The following ANXA11 variants were observed in gnomAD, a reference collection of about 807,000 sequenced individuals.
ANXA11 encodes annexin A11.
A neutral mutation model predicts 64.7 loss-of-function variants in ANXA11; 57 were observed. That is an observed-to-expected ratio of 0.88 (90% confidence interval 0.71 to 1.10). ANXA11 has a LOEUF of 1.10. Among genes scored for constraint, ANXA11 ranks in the 50% least tolerant of loss-of-function variants. The probability of loss-of-function intolerance (pLI) is 0.00; values close to 1 mark genes in which losing one functional copy is unlikely to be tolerated. For missense variants in ANXA11, 675 were observed against 670.7 expected (o/e 1.01, Z -0.07); for synonymous variants, 260 against 265.2 (o/e 0.98, Z 0.19).
chr10:80,163,287 A>C (rs1391882427), intron 11 of ANXA11, 62 bp downstream of exon 11: 3 of 1,595,468 alleles, frequency 1.9e-6, no homozygotes, highest in Admixed American at 3.4e-5. Context: ...CTCTCTCAGG[A>C]AGCAAGAAAG....
intron 1 of ANXA11, among the ~76,000 whole-genome samples, chr10:80,188,378 C>T (rs558654181): frequency 6.8e-6 from 1 of 148,142 alleles, no homozygotes; most frequent in South Asian, 2.1e-4. Flanking sequence ...GCTGTGTGAC[C>T]CTGGATATAT....
intron 13 of ANXA11, among the ~76,000 whole-genome samples, chr10:80,158,285 G>A (rs2573346): frequency 0.37 from 55,920 of 152,040 alleles, 11,480 homozygotes; most frequent in East Asian, 0.58. Context: ...AGAGTCAGAG[G>A]GGCGGGGGTC....
chr10:80,171,801 T>C, intron 3 of ANXA11: 3 of 985,532 alleles, frequency 3.0e-6, no homozygotes, highest in Non-Finnish European at 3.6e-6. Context: ...TGCTCAGCTG[T>C]GCTAGCAAAG....
chr10:80,171,850 T>C (rs1564613260), intron 3 of ANXA11: 8 of 985,354 alleles, frequency 8.1e-6, no homozygotes, highest in Middle Eastern at 5.2e-4. Flanking sequence ...ATTTCTACTA[T>C]AGAGAGAGAA....
Position 80,155,780 on chromosome 10 carries a change from C to G in ANXA11, c.*73G>C. 1 of 1,405,750 alleles carries G rather than the reference C, an allele frequency of 7.1e-7. No homozygotes were observed. The highest frequency in any genetic ancestry group is 1.0e-6 in the Non-Finnish European group (1 of 991,520). 87.1% of individuals were successfully genotyped at this position (1,405,750 alleles called of 1,614,324 possible). On this transcript the variant is annotated 3_prime_UTR_variant, in exon 16 of 16. Transcript: ENST00000422982. ...GGGCTATTTGTGGATTTGTTAGAAA[C>G]AGACATTCTTTTGGCCTTTTCCTGG...
intron 1 of ANXA11, among the ~76,000 whole-genome samples, chr10:80,191,829 A>C (rs1846789662): frequency 6.6e-6 from 1 of 152,196 alleles, no homozygotes; most frequent in South Asian, 2.1e-4. Context: ...TCACAACCGG[A>C]TGCCAGAGGC....
intron 8 of ANXA11, among the ~76,000 whole-genome samples, chr10:80,164,787 T>C (rs1413065092): frequency 6.6e-6 from 1 of 152,066 alleles, no homozygotes; most frequent in Non-Finnish European, 1.5e-5. Context: ...AAGATGGGAG[T>C]GATACTAGGA....
At chr10:80,158,141 A>C (rs1845352803) in intron 13 of ANXA11, 116 bp from the exon 14 acceptor site, 1 of 894,734 alleles carries the variant, frequency 1.1e-6, no homozygotes, top group Non-Finnish European at 1.8e-6. Flanking sequence ...CACTGCATCC[A>C]TCTTTTCTCC....
At chr10:80,180,892 C>T (rs1262499074) in intron 1 of ANXA11, 1 of 152,134 alleles carries the variant, frequency 6.6e-6, no homozygotes, top group Non-Finnish European at 1.5e-5. Flanking sequence ...GAAGTGGGCT[C>T]CTTACCACCA....
intron 4 of ANXA11, 67 bp from the exon 5 acceptor site, chr10:80,169,425 T>C: frequency 6.4e-7 from 1 of 1,570,614 alleles, no homozygotes; most frequent in Non-Finnish European, 8.6e-7. Flanking sequence ...CCACCCTTTT[T>C]CATACCTAAG....
chr10:80,172,951 GCCA>G (rs1471124442), intron 2 of ANXA11, 82 bp from the exon 3 acceptor site: 16 of 1,231,848 alleles, frequency 1.3e-5, no homozygotes, highest in African/African-American at 3.0e-5. Context: ...TGAAAGGGCA[GCCA>G]CCACCACAAC....
intron 11 of ANXA11, 90 bp from the exon 12 acceptor site, chr10:80,162,118 G>T: frequency 8.8e-7 from 1 of 1,136,670 alleles, no homozygotes. Context: ...ACTTCTGAAG[G>T]TTTGAGCCTA....
chr10:80,157,157 A>T (rs1228171408), intron 15 of ANXA11: 30 of 972,210 alleles, frequency 3.1e-5, no homozygotes, highest in Non-Finnish European at 3.4e-5. Context: ...GATTTAAGGG[A>T]GCCATTCAAG....
intron 1 of ANXA11, among the ~76,000 whole-genome samples, chr10:80,179,517 A>T (rs557370599): frequency 6.6e-6 from 1 of 152,236 alleles, no homozygotes; most frequent in Non-Finnish European, 1.5e-5. Flanking sequence ...GACTAGACCT[A>T]GGCACCCCCA....
At chr10:80,173,452 C>G (rs563959968) in intron 2 of ANXA11, among the ~76,000 whole-genome samples, 1 of 152,290 alleles carries the variant, frequency 6.6e-6, no homozygotes, top group East Asian at 1.9e-4. Flanking sequence ...GGGTGAAGAA[C>G]CAGGGCAAAT....
At chr10:80,173,971 C>T (rs1022670203) in intron 2 of ANXA11, among the ~76,000 whole-genome samples, 1 of 152,202 alleles carries the variant, frequency 6.6e-6, no homozygotes, top group Non-Finnish European at 1.5e-5. Flanking sequence ...CCAGGGAACT[C>T]ACTTTGAAGA....
chr10:80,173,294 T>C (rs72807976), intron 2 of ANXA11, among the ~76,000 whole-genome samples: 3,943 of 152,328 alleles, frequency 0.026, 69 homozygotes, highest in Non-Finnish European at 0.04. Context: ...TGTGTCCTTA[T>C]TGCCATCCCT....
At chr10:80,164,517 A>G (rs1307034556) in intron 8 of ANXA11, among the ~76,000 whole-genome samples, 1 of 152,212 alleles carries the variant, frequency 6.6e-6, no homozygotes, top group African/African-American at 2.4e-5. Context: ...ACTGAAAAAA[A>G]TGGGTAAAAA....
At chr10:80,164,941 G>A (rs772123038) in intron 8 of ANXA11, among the ~76,000 whole-genome samples, 2 of 152,338 alleles carry the variant, frequency 1.3e-5, no homozygotes, top group South Asian at 2.1e-4. Flanking sequence ...CCCTCACCCA[G>A]TATTCCCAGC....
Sources: gnomAD v4.1 joint callset for allele counts (sites outside exome capture counted in the v4.1 genomes callset) on GRCh38, gnomAD v4.1.1 for gene constraint, MANE v1.5 for transcripts, NCBI Gene and HGNC (gene_info 2026-07-23, HGNC 2026-07-21) for gene names.